Variants in FRMPD4 observed in about 807,000 individuals in gnomAD.
FRMPD4 encodes FERM and PDZ domain-containing protein 4.
Under a neutral mutation model 94.1 loss-of-function variants are expected in FRMPD4, and 22 were observed. That is an observed-to-expected ratio of 0.23 (90% CI 0.17 to 0.33). The LOEUF (loss-of-function observed/expected upper bound fraction) is 0.33, where lower values mean the gene tolerates loss of function less well. Among genes scored for constraint, FRMPD4 ranks in the 10% least tolerant of loss-of-function variants. FRMPD4 has a pLI of 1.00. For synonymous variants in FRMPD4, 631 were observed against 548.6 expected (o/e 1.15, Z -2.10); for missense variants, 1,111 against 1,339.9 (o/e 0.83, Z 2.67).
At chrX:11,899,751 G>A (rs879025422) in intron 3 of FRMPD4, among the ~76,000 whole-genome samples, 12 of 111,721 alleles carry the variant, frequency 1.1e-4, no homozygotes, top group Admixed American at 1.9e-4. Context: ...CATCAGTCTA[G>A]CATCATACTT....
At chrX:11,986,700 C>A (rs1417533912) in intron 3 of FRMPD4, among the ~76,000 whole-genome samples, 1 of 110,706 alleles carries the variant, frequency 9.0e-6, no homozygotes, top group Non-Finnish European at 1.9e-5. Context: ...AGAGAGAAGA[C>A]CCAAATAAAT....
At chrX:11,978,385 T>TG (rs1418293665) in intron 3 of FRMPD4, among the ~76,000 whole-genome samples, 3 of 106,649 alleles carry the variant, frequency 2.8e-5, no homozygotes, top group Non-Finnish European at 3.9e-5. Context: ...TTCAGATGGT[T>TG]GGGGGGCCTT....
chrX:12,244,534 C>G lies in FRMPD4; in HGVS notation c.41+105522C>G, dbSNP rs547646121. 2.1e-4 allele frequency among the ~76,000 whole-genome samples: 23 copies of G among 112,166 alleles called. No homozygotes were observed. The South Asian group carries it at 8.6e-3, about 42-fold the overall frequency. ...TTATTGGAGAGATTTCAGTCAAAGCCCCTTTTGTATTGCTACACATATTGT... is the reference window on the plus strand; with the variant it reads ...TTATTGGAGAGATTTCAGTCAAAGCGCCTTTTGTATTGCTACACATATTGT... On this transcript the variant is annotated intron_variant, in intron 1 of 16. Coordinates refer to ENST00000675598, the MANE Select transcript of FRMPD4 (RefSeq NM_001368397.1).
intron 1 of FRMPD4, among the ~76,000 whole-genome samples, chrX:12,232,466 G>A (rs1482779419): frequency 9.0e-6 from 1 of 110,651 alleles, no homozygotes; most frequent in African/African-American, 3.3e-5. Flanking sequence ...AACAGCATGG[G>A]GGAAGCTGCC....
At chrX:12,254,207 A>G (rs2054084240) in intron 1 of FRMPD4, among the ~76,000 whole-genome samples, 1 of 111,812 alleles carries the variant, frequency 8.9e-6, no homozygotes, top group Non-Finnish European at 1.9e-5. Context: ...GATTAATGAC[A>G]TGTGAGGAGT....
chrX:12,229,105 T>G (rs2056955696), intron 1 of FRMPD4, among the ~76,000 whole-genome samples: 2 of 112,415 alleles, frequency 1.8e-5, no homozygotes, highest in Admixed American at 9.4e-5. Context: ...AAGACCAAAT[T>G]GTTGGAATTG....
At chrX:12,547,792 T>G (rs2058493956) in intron 2 of FRMPD4, among the ~76,000 whole-genome samples, 1 of 112,269 alleles carries the variant, frequency 8.9e-6, no homozygotes, top group South Asian at 3.7e-4. Context: ...ACATCAACCT[T>G]AAAATTAAGT....
intron 3 of FRMPD4, among the ~76,000 whole-genome samples, chrX:12,018,510 G>A (rs1453427044): frequency 9.1e-6 from 1 of 110,294 alleles, no homozygotes; most frequent in Non-Finnish European, 1.9e-5. Flanking sequence ...CCACCCCCAG[G>A]GTTCAAGAGA....
chrX:12,621,244 A>G (rs1261393823), intron 4 of FRMPD4, among the ~76,000 whole-genome samples: 1 of 110,547 alleles, frequency 9.0e-6, no homozygotes, highest in Non-Finnish European at 1.9e-5. Flanking sequence ...AAAGAAAACA[A>G]AACAAACAAA....
At chrX:12,268,471 G>T (rs1399362415) in intron 1 of FRMPD4, among the ~76,000 whole-genome samples, 1 of 112,060 alleles carries the variant, frequency 8.9e-6, no homozygotes, top group Non-Finnish European at 1.9e-5. Context: ...CTCATGAATT[G>T]TTCCAGGTCA....
chrX:11,998,472 G>A (rs920589918), intron 3 of FRMPD4, among the ~76,000 whole-genome samples: 6 of 111,428 alleles, frequency 5.4e-5, no homozygotes, highest in Middle Eastern at 4.6e-3. Context: ...GCATTTTTAG[G>A]TGTGAGGTGA....
At chrX:11,891,269 G>A (rs2053872043) in intron 3 of FRMPD4, among the ~76,000 whole-genome samples, 1 of 112,454 alleles carries the variant, frequency 8.9e-6, no homozygotes, top group Non-Finnish European at 1.9e-5. Flanking sequence ...GCAGGGAATG[G>A]CTCCTCCTGG....
At chrX:12,701,716 C>T (rs190466094) in intron 9 of FRMPD4, among the ~76,000 whole-genome samples, 158 bp from the exon 10 acceptor site, 1 of 112,738 alleles carries the variant, frequency 8.9e-6, no homozygotes, top group African/African-American at 3.2e-5. Context: ...AATACTGACT[C>T]GTTTCCAAGC....
At chrX:12,395,288 T>G (rs763845064) in intron 1 of FRMPD4, among the ~76,000 whole-genome samples, 47 of 112,301 alleles carry the variant, frequency 4.2e-4, no homozygotes, top group African/African-American at 1.5e-3. Flanking sequence ...CAGGGCTGCC[T>G]TAGCTTGGAG....
chrX:12,072,676 G>T (rs1164483958), intron 3 of FRMPD4, among the ~76,000 whole-genome samples: 4 of 111,591 alleles, frequency 3.6e-5, no homozygotes, highest in Non-Finnish European at 5.6e-5. Context: ...GAGTGGTTTT[G>T]CAATTCTGAA....
rs182215010 is a variant in FRMPD4 at position 12,050,844 on chromosome X, G to T, written c.95+172826G>T. 3.7e-3 allele frequency among the ~76,000 whole-genome samples: 411 copies of T among 110,210 alleles called. 1 individual carries two copies. Among genetic ancestry groups the T allele is most frequent in the Non-Finnish European group, 6.0e-3 (318 of 52,591 alleles). On this transcript the variant is annotated intron_variant, in intron 3 of 18. Transcript: ENST00000640291. ...ATACTTAAACACAGTTCATATTTGTGCACAAATAAAAAAAGAGTTGTACAA... is the reference window on the plus strand; with the variant it reads ...ATACTTAAACACAGTTCATATTTGTTCACAAATAAAAAAAGAGTTGTACAA...
intron 3 of FRMPD4, among the ~76,000 whole-genome samples, chrX:11,879,572 A>G (rs1291733063): frequency 9.0e-6 from 1 of 111,382 alleles, no homozygotes. Context: ...AGTGCTATAT[A>G]TGTCTCTAAA....
At chrX:11,884,874 G>A (rs977927685) in intron 3 of FRMPD4, among the ~76,000 whole-genome samples, 1 of 111,721 alleles carries the variant, frequency 9.0e-6, no homozygotes, top group Admixed American at 9.6e-5. Context: ...TCTATCATGT[G>A]CATGACTTTG....
intron 3 of FRMPD4, among the ~76,000 whole-genome samples, chrX:12,100,354 C>T (rs918261389): frequency 1.8e-5 from 2 of 111,617 alleles, no homozygotes; most frequent in Non-Finnish European, 3.8e-5. Context: ...CCTAGGTAGG[C>T]ATAATTTTCA....
Sources: allele counts gnomAD v4.1 joint callset (sites outside exome capture counted in the v4.1 genomes callset), GRCh38; gene constraint gnomAD v4.1.1; transcripts MANE v1.5; gene names NCBI Gene and HGNC (gene_info 2026-07-23, HGNC 2026-07-21).